The following SOX6 variants were observed in gnomAD, a reference collection of about 807,000 sequenced individuals.
SOX6 encodes the protein SRY-box transcription factor 6, also known as transcription factor SOX-6.
In SOX6, 11 loss-of-function variants were observed where a neutral mutation model predicts 97.8. The ratio of observed to expected loss-of-function variants is 0.11; its 90% confidence interval spans 0.07 to 0.19. The LOEUF is 0.19. Ranked by LOEUF, SOX6 falls within the 10% of genes least tolerant of loss-of-function variation. The probability of loss-of-function intolerance (pLI) is 1.00; values close to 1 mark genes in which losing one functional copy is unlikely to be tolerated. For missense variants in SOX6, 810 were observed against 1,039.5 expected, an observed-to-expected ratio of 0.78 and a Z score of 3.04; for synonymous variants, 360 against 371.4, an observed-to-expected ratio of 0.97 and a Z score of 0.35.
intron 3 of SOX6, among the ~76,000 whole-genome samples, chr11:16,662,145 C>T (rs1174087899): frequency 6.6e-6 from 1 of 151,902 alleles, no homozygotes; most frequent in Non-Finnish European, 1.5e-5. Context: ...AGTTTCTGAC[C>T]TATACCCTTT....
intron 3 of SOX6, among the ~76,000 whole-genome samples, chr11:16,623,577 C>G (rs892508815): frequency 2.6e-5 from 4 of 152,060 alleles, no homozygotes; most frequent in African/African-American, 9.7e-5. Flanking sequence ...TAAGTCCCAT[C>G]TATTTATCTT....
chr11:16,228,032 T>C (rs552522855), intron 4 of SOX6, among the ~76,000 whole-genome samples: 1 of 152,180 alleles, frequency 6.6e-6, no homozygotes, highest in Non-Finnish European at 1.5e-5. Context: ...ACCCTGTCTC[T>C]ACTAAAAATA....
intron 10 of SOX6, among the ~76,000 whole-genome samples, chr11:16,055,224 AT>A (rs1373472243): frequency 6.6e-6 from 1 of 151,832 alleles, no homozygotes; most frequent in Admixed American, 6.6e-5. Context: ...TCTTTATTTT[AT>A]TTTATTTATT....
chr11:16,514,349 A>G (rs10832629), intron 4 of SOX6, among the ~76,000 whole-genome samples: 37,438 of 152,066 alleles, frequency 0.25, 5,104 homozygotes, highest in East Asian at 0.48. Context: ...AAAGTAGGTC[A>G]GCCCAAAAGA....
intron 2 of SOX6, among the ~76,000 whole-genome samples, chr11:16,715,429 T>A (rs138054075): frequency 1.9e-3 from 289 of 152,310 alleles, no homozygotes; most frequent in African/African-American, 6.9e-3. Context: ...TAGAATAGCA[T>A]TGTCTTGCTA....
intron 3 of SOX6, among the ~76,000 whole-genome samples, chr11:16,303,618 C>G (rs1855332161): frequency 6.6e-6 from 1 of 152,050 alleles, no homozygotes; most frequent in Admixed American, 6.6e-5. Flanking sequence ...ATGATCCTTT[C>G]TATACAAATT....
Position 16,378,744 on chromosome 11 carries a change from T to C in SOX6, c.-4-37492A>G, listed in dbSNP as rs888295482. On this transcript the variant is annotated intron_variant, in intron 1 of 15. Coordinates refer to the SOX6 transcript ENST00000396356. ...TGGTTCTAAAGGCAGAAATCAAAAA[T>C]AAAACTTTAGATTTCATGAGAGAGA... 3.9e-5 allele frequency among the ~76,000 whole-genome samples: 6 copies of C among 152,130 alleles called. 1 individual carries two copies. The highest frequency in any genetic ancestry group is 1.4e-4 in the African/African-American group (6 of 41,574).
At chr11:16,381,122 CTTAA>C (rs898855445) in intron 1 of SOX6, among the ~76,000 whole-genome samples, 3 of 151,762 alleles carry the variant, frequency 2.0e-5, no homozygotes, top group Non-Finnish European at 4.4e-5. Flanking sequence ...TTAGTACTTA[CTTAA>C]TTAAACACAG....
intron 4 of SOX6, among the ~76,000 whole-genome samples, chr11:16,553,993 A>G (rs1847720299): frequency 1.3e-5 from 2 of 152,120 alleles, no homozygotes; most frequent in South Asian, 4.1e-4. Flanking sequence ...GCAGTTTAGA[A>G]AGTGGTAGGC....
chr11:16,513,643 T>TAAAC (rs912895422), intron 4 of SOX6, among the ~76,000 whole-genome samples: 1 of 151,282 alleles, frequency 6.6e-6, no homozygotes, highest in African/African-American at 2.4e-5. Context: ...AATAAATAAA[T>TAAAC]AAACAAACAA....
At chr11:16,555,257 A>G (rs1270247205) in intron 4 of SOX6, among the ~76,000 whole-genome samples, 1 of 151,888 alleles carries the variant, frequency 6.6e-6, no homozygotes, top group African/African-American at 2.4e-5. Context: ...ATGCTATGAA[A>G]ACTTACTAAA....
intron 3 of SOX6, among the ~76,000 whole-genome samples, chr11:16,622,426 CCCT>C (rs1288924026): frequency 2.3e-4 from 34 of 150,676 alleles, no homozygotes; most frequent in African/African-American, 7.7e-4. Context: ...TCCCCTCCCA[CCCT>C]TTTACCTGAG....
intron 2 of SOX6, among the ~76,000 whole-genome samples, chr11:16,338,805 T>C (rs923629496): frequency 1.3e-5 from 2 of 151,998 alleles, no homozygotes; most frequent in Non-Finnish European, 2.9e-5. Context: ...TAAACCACAT[T>C]TAATATAAAT....
In SOX6 at chr11:16,451,748, C is replaced by T. The variant is rs79775874; in HGVS notation, c.-5+24567G>A. Among the ~76,000 whole-genome samples the T allele has an allele frequency of 7.6e-3, 1,150 of 152,116 alleles. 16 individuals are homozygous for T. The highest frequency in any genetic ancestry group is 0.025 in the African/African-American group (1,056 of 41,468). On this transcript the variant is annotated intron_variant, in intron 1 of 15. Coordinates refer to the SOX6 transcript ENST00000396356. ...ACTGTGAAGTAGTCCATTAAAGAAG[C>T]ATGTTTAAGGTCAGGTGCGCTGGCT... is the stretch of plus-strand genomic sequence containing the variant.
At chr11:16,618,700 C>T (rs1206999463) in intron 3 of SOX6, among the ~76,000 whole-genome samples, 5 of 151,710 alleles carry the variant, frequency 3.3e-5, no homozygotes, top group South Asian at 2.1e-4. Flanking sequence ...AACTGCTTGC[C>T]GGGTGTATAT....
At chr11:16,699,234 T>C (rs989245965) in intron 3 of SOX6, among the ~76,000 whole-genome samples, 1 of 152,218 alleles carries the variant, frequency 6.6e-6, no homozygotes, top group Non-Finnish European at 1.5e-5. Flanking sequence ...ACAATAGTCT[T>C]AGGAATTGGA....
chr11:16,688,309 GC>G (rs1294147085), intron 3 of SOX6, among the ~76,000 whole-genome samples: 1 of 152,004 alleles, frequency 6.6e-6, no homozygotes, highest in Non-Finnish European at 1.5e-5. Flanking sequence ...TATGATTGGA[GC>G]TTATGATTTT....
At chr11:16,466,870 G>C (rs1303543290) in intron 1 of SOX6, among the ~76,000 whole-genome samples, 3 of 137,328 alleles carry the variant, frequency 2.2e-5, no homozygotes, top group Non-Finnish European at 4.6e-5. Flanking sequence ...GGCGGAGCTT[G>C]CAGTGAGCCG....
At chr11:16,048,950 T>C (rs575698947) in intron 11 of SOX6, among the ~76,000 whole-genome samples, 3 of 152,292 alleles carry the variant, frequency 2.0e-5, no homozygotes, top group South Asian at 4.1e-4. Context: ...ATCCCACTTA[T>C]ATATGTACAT....
Sources: allele counts gnomAD v4.1 joint callset (sites outside exome capture counted in the v4.1 genomes callset), GRCh38; gene constraint gnomAD v4.1.1; transcripts MANE v1.5; gene names NCBI Gene and HGNC (gene_info 2026-07-23, HGNC 2026-07-21).